Variants in KDM4C observed in about 807,000 individuals in gnomAD.
KDM4C encodes the protein lysine-specific demethylase 4C.
In KDM4C, 81 loss-of-function variants were observed where a neutral mutation model predicts 129.3. That is an observed-to-expected ratio of 0.63 (90% CI 0.52 to 0.75). The LOEUF is 0.75. Ranked by LOEUF, KDM4C falls within the 30% of genes least tolerant of loss-of-function variation. The pLI is 0.00. For synonymous variants in KDM4C, 573 were observed against 456.1 expected (o/e 1.26, Z -3.26); for missense variants, 1,457 against 1,304.0 (o/e 1.12, Z -1.81).
chr9:6,722,102 A>T (rs2996060), intron 1 of KDM4C, among the ~76,000 whole-genome samples: 17 of 152,218 alleles, frequency 1.1e-4, no homozygotes, highest in African/African-American at 4.1e-4. Context: ...TGGTTCCCCA[A>T]TAGCCTAGGA....
rs1823120275 is a variant in KDM4C, at chr9:6,928,847, C to T, written c.921+35615C>T. 2.6e-5 allele frequency among the ~76,000 whole-genome samples: 4 copies of T among 152,284 alleles called. No homozygotes were observed. In the South Asian group the frequency reaches 8.3e-4, roughly 32 times the overall value. ...CTGCTAATGCAGAACTCTGAGGTTT[C>T]CCTATGGAAGTAGTGTGAGCAGGGA... On this transcript the variant is annotated intron_variant, in intron 8 of 21. Coordinates refer to ENST00000381309, the MANE Select transcript of KDM4C (RefSeq NM_015061.6).
intron 17 of KDM4C, among the ~76,000 whole-genome samples, chr9:7,067,551 C>T (rs1462487817): frequency 1.3e-5 from 2 of 152,180 alleles, no homozygotes; most frequent in African/African-American, 4.8e-5. Context: ...AGGTAAGGCT[C>T]AGTTGCACTG....
chr9:7,074,728 A>T (rs1022839351), intron 17 of KDM4C, among the ~76,000 whole-genome samples: 9 of 152,184 alleles, frequency 5.9e-5, no homozygotes, highest in Non-Finnish European at 2.9e-5. Flanking sequence ...ACCCTAAAGG[A>T]CTAGATCATT....
chr9:6,854,520 C>T (rs28762973), intron 5 of KDM4C, among the ~76,000 whole-genome samples: 16,929 of 112,608 alleles, frequency 0.15, 1,155 homozygotes, highest in East Asian at 0.36. Context: ...AGCGAAACTC[C>T]GTCTCAAAAA....
rs142018506 is a variant in KDM4C at position 7,053,525 on chromosome 9, A to G, written c.2424+4325A>G. On this transcript the variant is annotated intron_variant, in intron 17 of 21. Transcript: ENST00000381309. The stretch of plus-strand genomic sequence containing the variant: ...GCTCATCCAGCCACCTTGCTTGGTA[A>G]TGTCACAGGTGTGGCCTTTGTTCAT... Among the ~76,000 whole-genome samples the G allele has an allele frequency of 1.3e-3, 198 of 152,302 alleles. 1 individual carries two copies. Among genetic ancestry groups the G allele is most frequent in the African/African-American group, 4.5e-3 (187 of 41,560 alleles).
intron 5 of KDM4C, among the ~76,000 whole-genome samples, chr9:6,873,072 G>A (rs905117222): frequency 3.9e-5 from 6 of 151,984 alleles, no homozygotes; most frequent in Admixed American, 2.6e-4. Flanking sequence ...GATTACAGGC[G>A]CGCACCACTC....
At chr9:6,741,897 C>T (rs971929090) in intron 1 of KDM4C, among the ~76,000 whole-genome samples, 1 of 151,380 alleles carries the variant, frequency 6.6e-6, no homozygotes, top group Non-Finnish European at 1.5e-5. Context: ...TTGTTACACA[C>T]ACACACACAC....
intron 8 of KDM4C, among the ~76,000 whole-genome samples, chr9:6,897,731 A>G (rs575271667): frequency 2.0e-5 from 3 of 152,342 alleles, no homozygotes; most frequent in South Asian, 4.1e-4. Flanking sequence ...GGGGCTTTTA[A>G]TAAAACTCCA....
At chr9:7,152,459 T>C (rs1036610761) in intron 19 of KDM4C, among the ~76,000 whole-genome samples, 9 of 152,164 alleles carry the variant, frequency 5.9e-5, no homozygotes, top group African/African-American at 1.9e-4. Flanking sequence ...GAAAGAAATA[T>C]TGTAGGATTT....
chr9:6,904,114 A>G (rs1817877673), intron 8 of KDM4C, among the ~76,000 whole-genome samples: 3 of 151,926 alleles, frequency 2.0e-5, no homozygotes, highest in Non-Finnish European at 2.9e-5. Flanking sequence ...TGGTGGGTAC[A>G]TGTAATCCCA....
intron 7 of KDM4C, among the ~76,000 whole-genome samples, chr9:6,888,615 G>A (rs940388695): frequency 6.6e-6 from 1 of 152,144 alleles, no homozygotes; most frequent in Admixed American, 6.5e-5. Context: ...GTGTCTGTGG[G>A]TGGTTATTGG....
intron 5 of KDM4C, among the ~76,000 whole-genome samples, chr9:6,874,815 G>C (rs1843313335): frequency 6.6e-6 from 1 of 151,994 alleles, no homozygotes; most frequent in Admixed American, 6.5e-5. Context: ...GACTGGCACA[G>C]TGGCCTGTGG....
intron 17 of KDM4C, among the ~76,000 whole-genome samples, chr9:7,095,770 C>T (rs1040785445): frequency 1.3e-5 from 2 of 152,130 alleles, no homozygotes; most frequent in African/African-American, 4.8e-5. Context: ...GCATACACAT[C>T]AGTGACTCTA....
chr9:7,023,933 AC>A (rs1243411326), intron 15 of KDM4C, among the ~76,000 whole-genome samples: 1 of 152,144 alleles, frequency 6.6e-6, no homozygotes, highest in Non-Finnish European at 1.5e-5. Flanking sequence ...ATGTGTTTGT[AC>A]ATCTTCCAAA....
chr9:7,097,649 G>A (rs904642328), intron 17 of KDM4C, among the ~76,000 whole-genome samples: 1 of 152,100 alleles, frequency 6.6e-6, no homozygotes, highest in African/African-American at 2.4e-5. Context: ...AGGTAACCAG[G>A]TCAGGCTCAC....
chr9:7,136,614 T>A (rs551778639), intron 19 of KDM4C, among the ~76,000 whole-genome samples: 2 of 152,384 alleles, frequency 1.3e-5, no homozygotes, highest in Non-Finnish European at 2.9e-5. Flanking sequence ...TTATTAGCCA[T>A]TCATCTGTCT....
At chr9:6,866,897 A>T (rs1381629148) in intron 5 of KDM4C, among the ~76,000 whole-genome samples, 1 of 127,562 alleles carries the variant, frequency 7.8e-6, no homozygotes, top group Non-Finnish European at 1.6e-5. Flanking sequence ...TGCTGTATAT[A>T]TATATACATA....
At chr9:7,014,106 C>G (rs961965885) in intron 14 of KDM4C, 105 bp downstream of exon 14, 2 of 812,452 alleles carry the variant, frequency 2.5e-6, no homozygotes, top group African/African-American at 3.4e-5. Flanking sequence ...GGACTATTGG[C>G]ATTCTTAATG....
At chr9:6,887,415 T>C (rs1845471358) in intron 6 of KDM4C, among the ~76,000 whole-genome samples, 1 of 152,190 alleles carries the variant, frequency 6.6e-6, no homozygotes, top group South Asian at 2.1e-4. Context: ...CTCAGACAGT[T>C]GATGGGTGAT....
Sources: gnomAD v4.1 joint callset for allele counts (sites outside exome capture counted in the v4.1 genomes callset) on GRCh38, gnomAD v4.1.1 for gene constraint, MANE v1.5 for transcripts, NCBI Gene and HGNC (gene_info 2026-07-23, HGNC 2026-07-21) for gene names.